Variants in LCA5L observed in about 807,000 individuals in gnomAD.
LCA5L encodes lebercilin LCA5 like, also known as lebercilin-like protein.
In LCA5L, 35 loss-of-function variants were observed where a neutral mutation model predicts 45.4. The observed-to-expected ratio is 0.77, with a 90% CI of 0.59 to 1.02. The LOEUF (loss-of-function observed/expected upper bound fraction) is 1.02, where lower values mean the gene tolerates loss of function less well. LCA5L is among the 50% of genes least tolerant of loss of function. The pLI, the probability that LCA5L is intolerant of heterozygous loss-of-function variation, is 0.00. For synonymous variants in LCA5L, 233 were observed against 264.7 expected (o/e 0.88, Z 1.16); for missense variants, 668 against 761.6 (o/e 0.88, Z 1.45).
intron 5 of LCA5L, among the ~76,000 whole-genome samples, chr21:39,424,697 G>A (rs2837021): frequency 0.23 from 35,398 of 152,058 alleles, 4,693 homozygotes; most frequent in African/African-American, 0.36. Flanking sequence ...GAGTCTATCT[G>A]TTTATACAGA....
chr21:39,421,845 A>C (rs2073820954), intron 6 of LCA5L: 1 of 91,218 alleles, frequency 1.1e-5, no homozygotes, highest in African/African-American at 5.8e-5. Flanking sequence ...AACCAAACAG[A>C]AATTTCTCAT....
intron 3 of LCA5L, among the ~76,000 whole-genome samples, chr21:39,429,742 G>A (rs1051205136): frequency 1.3e-5 from 2 of 152,210 alleles, no homozygotes; most frequent in African/African-American, 4.8e-5. Flanking sequence ...TCCAGGCTGG[G>A]CATTGTGGCT....
chr21:39,416,076 T>A lies in LCA5L; in HGVS notation c.976-4274A>T, dbSNP rs1019817579. Among the ~76,000 whole-genome samples, 7 of 152,332 alleles carry A rather than the reference T, an allele frequency of 4.6e-5. No homozygotes were observed. The South Asian group carries it at 8.3e-4, about 18-fold the overall frequency. ...AATAGTGACAATTCTAATCCTGTCA[T>A]TCCTTCTTCATTATTGAGTGGAATG... is the stretch of plus-strand genomic sequence containing the variant. On this transcript the variant is annotated intron_variant, in intron 7 of 10. Transcript: ENST00000288350.
In LCA5L at chr21:39,428,499, A is replaced by G. The variant is rs1187562434; in HGVS notation, c.-6T>C. 4.0e-6 allele frequency: 6 copies of G among 1,510,090 alleles called. No homozygotes were observed. 93.5% of individuals were successfully genotyped at this position (1,510,090 alleles called of 1,614,324 possible). A position where few individuals can be genotyped will look rare whatever the true frequency, so the allele number is the denominator to read the frequency against. Reference sequence around the variant, plus strand: ...GTTAGATCAGCCAAAGACATAGCAAACAACCTAATAAAAGAAAAGTAAAAC... The same window carrying G: ...GTTAGATCAGCCAAAGACATAGCAAGCAACCTAATAAAAGAAAAGTAAAAC... On this transcript the variant is annotated 5_prime_UTR_variant, in exon 5 of 11. Coordinates refer to ENST00000288350, the MANE Select transcript of LCA5L (RefSeq NM_152505.4).
rs2076294771 is a variant in LCA5L at position 39,436,482 on chromosome 21, A to C, written c.-245-909T>G. Among the ~76,000 whole-genome samples, 3 of 152,126 alleles carry C rather than the reference A, an allele frequency of 2.0e-5. No individual in the cohort carries two copies. The South Asian group carries it at 6.2e-4, about 32-fold the overall frequency. ...GCTGAAATTATTCTATGGGTAGGTAATTACATACATATTTTTTGAGATGGA... is the reference window on the plus strand; with the variant it reads ...GCTGAAATTATTCTATGGGTAGGTACTTACATACATATTTTTTGAGATGGA... On this transcript the variant is annotated intron_variant, in intron 2 of 10. Coordinates refer to ENST00000288350, the MANE Select transcript of LCA5L (RefSeq NM_152505.4).
At chr21:39,414,854 T>C (rs1190441919) in intron 7 of LCA5L, among the ~76,000 whole-genome samples, 1 of 152,044 alleles carries the variant, frequency 6.6e-6, no homozygotes, top group African/African-American at 2.4e-5. Context: ...CCTTTTTATC[T>C]TCCAGAAATT....
At chr21:39,417,451 T>G (rs901561587) in intron 7 of LCA5L, among the ~76,000 whole-genome samples, 2 of 152,234 alleles carry the variant, frequency 1.3e-5, no homozygotes, top group African/African-American at 4.8e-5. Context: ...TTCTACTCTA[T>G]TCTCTCTTTT....
chr21:39,415,727 TCTTA>T (rs1184768189), intron 7 of LCA5L, among the ~76,000 whole-genome samples: 5 of 152,228 alleles, frequency 3.3e-5, no homozygotes, highest in Admixed American at 1.3e-4. Context: ...TTAATATATC[TCTTA>T]CTGTCTTTTA....
In LCA5L at chr21:39,428,420, C is replaced by T. The variant is rs1190884349; in HGVS notation, c.74G>A (p.Arg25Lys). ...TGGGCTTCTCTTGCATGCTGCAGAC[C>T]TCCTATTGTTTTCTAATGCCACGCC... Reference protein sequence around the residue: ...FFGVALENNRRSAACKRSPGT... With the variant: ...FFGVALENNRKSAACKRSPGT... The change falls in exon 5 of 11, where the codon AGG becomes AAG. Residue 25 changes from arginine to lysine, a missense_variant. Arg to Lys is a conservative substitution (Grantham distance 26). Coordinates refer to ENST00000288350, the MANE Select transcript of LCA5L (RefSeq NM_152505.4). The T allele has an allele frequency of 6.2e-7, 1 of 1,612,302 alleles. No individual in the cohort carries two copies. The highest frequency in any genetic ancestry group is 8.5e-7 in the Non-Finnish European group (1 of 1,179,556).
intron 3 of LCA5L, among the ~76,000 whole-genome samples, chr21:39,431,414 C>T (rs1198902042): frequency 1.3e-5 from 2 of 151,794 alleles, no homozygotes; most frequent in Admixed American, 6.6e-5. Flanking sequence ...CCTAGCCTAA[C>T]GTTAGGGATC....
At chr21:39,434,025 T>TTATACTCA (rs2076049913) in intron 3 of LCA5L, among the ~76,000 whole-genome samples, 1 of 150,848 alleles carries the variant, frequency 6.6e-6, no homozygotes, top group African/African-American at 2.4e-5. Context: ...TGTACATAAA[T>TTATACTCA]TATACTCATC....
chr21:39,416,982 CTG>C (rs1458690806), intron 7 of LCA5L, among the ~76,000 whole-genome samples: 1 of 152,206 alleles, frequency 6.6e-6, no homozygotes, highest in African/African-American at 2.4e-5. Context: ...AAAGGGCTAA[CTG>C]TATACACATT....
chr21:39,441,569 G>A (rs143824148), intron 2 of LCA5L, among the ~76,000 whole-genome samples: 1 of 152,190 alleles, frequency 6.6e-6, no homozygotes, highest in African/African-American at 2.4e-5. Context: ...GATGGTTACA[G>A]ACTAGCTATG....
intron 2 of LCA5L, among the ~76,000 whole-genome samples, chr21:39,440,844 C>T (rs932263018): frequency 1.3e-5 from 2 of 152,202 alleles, no homozygotes; most frequent in African/African-American, 4.8e-5. Flanking sequence ...ACTCTAAACT[C>T]TTTGACAAAA....
chr21:39,419,412 C>G (rs964851281), intron 7 of LCA5L, among the ~76,000 whole-genome samples: 1 of 151,494 alleles, frequency 6.6e-6, no homozygotes, highest in African/African-American at 2.4e-5. Flanking sequence ...GTGATCCCAG[C>G]TACTTGGGAG....
At position 39,422,960 on chromosome 21, in the gene LCA5L, C is replaced by T. The variant is rs1171962311; in HGVS notation, c.837+16G>A. 1.2e-6 allele frequency: 2 copies of T among 1,609,448 alleles called. No homozygotes were observed. Among genetic ancestry groups the T allele is most frequent in the African/African-American group, 1.3e-5 (1 of 74,568 alleles). On this transcript the variant is annotated intron_variant, in intron 6 of 10. Coordinates refer to ENST00000288350, the MANE Select transcript of LCA5L (RefSeq NM_152505.4). ...ACTTTGGAATCTTAAACTGTCTGGG[C>T]CCCTGAAATACAGACCTGTATTTTT...
chr21:39,439,632 A>G (rs1018607522), intron 2 of LCA5L: 3 of 152,214 alleles, frequency 2.0e-5, no homozygotes, highest in Non-Finnish European at 4.4e-5. Context: ...AAGATGACCA[A>G]CCTGAGATAG....
rs76837332 is a variant in LCA5L at position 39,423,563 on chromosome 21, T to C, written c.323-73A>G. On this transcript the variant is annotated intron_variant, in intron 5 of 10. Transcript: ENST00000288350. ...TGCAAATATGCACATATGCATAATC[T>C]CTCTCCCATGCCCCCATGCACACAC... is the stretch of plus-strand genomic sequence containing the variant. The C allele has an allele frequency of 2.6e-3, 3,378 of 1,309,120 alleles. 81 individuals carry two copies. The African/African-American group carries it at 0.045, about 17-fold the overall frequency. The allele number at this position is 1,309,120 out of a possible 1,614,324, so 81.1% of individuals were successfully genotyped here. A position where few individuals can be genotyped will look rare whatever the true frequency, so the allele number is the denominator to read the frequency against.
At chr21:39,428,578 T>TATATATATATATATATATATA (rs2075179434) in intron 4 of LCA5L, 75 bp from the exon 5 acceptor site, 2 of 58,042 alleles carry the variant, frequency 3.4e-5, no homozygotes, top group African/African-American at 9.6e-5. Flanking sequence ...ATGCTTTATT[T>TATATATATATATATATATATA]TATATATATA....
Sources: gnomAD v4.1 joint callset for allele counts (sites outside exome capture counted in the v4.1 genomes callset) on GRCh38, gnomAD v4.1.1 for gene constraint, MANE v1.5 for transcripts, NCBI Gene and HGNC (gene_info 2026-07-23, HGNC 2026-07-21) for gene names.